The following ZFHX3 variants were observed in gnomAD, a reference collection of about 807,000 sequenced individuals.
The protein encoded by ZFHX3 is zinc finger homeobox protein 3.
ZFHX3 carries 42 observed loss-of-function variants against 279.1 expected under a neutral mutation model. That is an observed-to-expected ratio of 0.15 (90% CI 0.12 to 0.19). The LOEUF (loss-of-function observed/expected upper bound fraction) is 0.19. Among genes scored for constraint, ZFHX3 ranks in the 10% least tolerant of loss-of-function variants. ZFHX3 has a pLI of 1.00. For synonymous variants in ZFHX3, 2,293 were observed against 1,957.8 expected (o/e 1.17, Z -4.52); for missense variants, 4,981 against 4,754.0 (o/e 1.05, Z -1.40).
At chr16:73,294,226 G>C (rs1246990877) in intron 4 of ZFHX3, 2 of 152,136 alleles carry the variant, frequency 1.3e-5, no homozygotes, top group Non-Finnish European at 2.9e-5. Flanking sequence ...TCCTTGAGAG[G>C]AGGAGGTCCC....
At chr16:73,542,064 T>A (rs1345863341) in intron 2 of ZFHX3, among the ~76,000 whole-genome samples, 1 of 152,088 alleles carries the variant, frequency 6.6e-6, no homozygotes, top group Non-Finnish European at 1.5e-5. Context: ...CCTCCCAAAA[T>A]GCTTGGATTA....
intron 1 of ZFHX3, among the ~76,000 whole-genome samples, chr16:73,694,819 C>A (rs1013727150): frequency 6.6e-6 from 1 of 152,150 alleles, no homozygotes; most frequent in Non-Finnish European, 1.5e-5. Flanking sequence ...ATTATGGTAA[C>A]GAATGCTGGA....
chr16:73,427,482 C>A (rs987491787), intron 3 of ZFHX3, among the ~76,000 whole-genome samples: 6 of 152,128 alleles, frequency 3.9e-5, no homozygotes, highest in African/African-American at 1.4e-4. Context: ...TGCTCCCACC[C>A]AGATAGCCTC....
intron 1 of ZFHX3, among the ~76,000 whole-genome samples, chr16:73,860,087 C>G (rs577422631): frequency 8.1e-4 from 123 of 152,292 alleles, no homozygotes; most frequent in African/African-American, 2.7e-3. Context: ...CGGATGTGAA[C>G]AAAGACACAA....
Position 72,793,168 on chromosome 16 carries a change from C to G in ZFHX3, c.9427+87G>C. ...AGGTAAGCTTCCCATCTGCCCAGCA[C>G]TCAGAGGGTTTGGGTGGTATCCACA... On this transcript the variant is annotated intron_variant, in intron 9 of 9. Transcript: ENST00000268489. This position sits in a 1 kb window ranked among gnomAD's most constrained non-coding sequence, Gnocchi z 4.3. The G allele has an allele frequency of 6.6e-7, 1 of 1,518,056 alleles. No homozygotes were observed. The highest frequency in any genetic ancestry group is 1.3e-5 in the South Asian group (1 of 74,446). 94.0% of individuals were successfully genotyped at this position (1,518,056 alleles called of 1,614,324 possible).
chr16:72,921,889 G>A (rs2039596081), intron 3 of ZFHX3, among the ~76,000 whole-genome samples: 1 of 152,176 alleles, frequency 6.6e-6, no homozygotes, highest in Non-Finnish European at 1.5e-5. Context: ...AGGGAAAAAT[G>A]AAAATGGCCA....
chr16:73,267,523 T>C (rs1164404429), intron 4 of ZFHX3, among the ~76,000 whole-genome samples: 1 of 152,178 alleles, frequency 6.6e-6, no homozygotes, highest in Non-Finnish European at 1.5e-5. Context: ...TACCAAATCA[T>C]GGGGCATTTT....
chr16:73,202,903 CTTTCTTTTTTT>C (rs1183827823), intron 5 of ZFHX3, among the ~76,000 whole-genome samples: 1 of 93,498 alleles, frequency 1.1e-5, no homozygotes, highest in African/African-American at 5.9e-5. Flanking sequence ...ATCTTTCTTT[CTTTCTTTTTTT>C]TTTTTTTTTT....
chr16:73,079,950 T>TGTCTGA (rs1567658751), intron 8 of ZFHX3, among the ~76,000 whole-genome samples: 2 of 152,186 alleles, frequency 1.3e-5, no homozygotes, highest in Middle Eastern at 3.4e-3. Flanking sequence ...ACAGAGCAAG[T>TGTCTGA]TTAATTCCCT....
chr16:72,841,129 C>T (rs1482907080), intron 4 of ZFHX3, among the ~76,000 whole-genome samples: 1 of 152,186 alleles, frequency 6.6e-6, no homozygotes, highest in Non-Finnish European at 1.5e-5. Flanking sequence ...CACGAGTTCC[C>T]TGGTGCCAGC....
chr16:73,059,180 G>A (rs1182628216), exon 1 of ZFHX3: 1 of 149,224 alleles, frequency 6.7e-6, no homozygotes, highest in Admixed American at 6.8e-5. Flanking sequence ...AAAAAGAAAA[G>A]GGGGAGGTGG....
At chr16:73,582,314 T>C (rs1306184830) in intron 2 of ZFHX3, among the ~76,000 whole-genome samples, 1 of 151,772 alleles carries the variant, frequency 6.6e-6, no homozygotes, top group African/African-American at 2.4e-5. Flanking sequence ...TTGTCTTCCA[T>C]GGGGTTGTCT....
At chr16:73,323,233 G>A (rs977412279) in intron 3 of ZFHX3, among the ~76,000 whole-genome samples, 1 of 152,266 alleles carries the variant, frequency 6.6e-6, no homozygotes, top group Admixed American at 6.5e-5. Flanking sequence ...AGGCATCCTT[G>A]GTAGGGGAAA....
At chr16:73,547,082 A>G (rs577494441) in intron 2 of ZFHX3, among the ~76,000 whole-genome samples, 1 of 152,214 alleles carries the variant, frequency 6.6e-6, no homozygotes, top group Admixed American at 6.5e-5. Flanking sequence ...TAGAAAAACA[A>G]AAAGAAAAGA....
At chr16:72,904,390 A>C (rs1249625468) in intron 3 of ZFHX3, among the ~76,000 whole-genome samples, 1 of 144,608 alleles carries the variant, frequency 6.9e-6, no homozygotes, top group Non-Finnish European at 1.5e-5. Context: ...AAATAAATAA[A>C]TAAATAAATA....
At chr16:73,291,494 G>C (rs1328597191) in intron 4 of ZFHX3, among the ~76,000 whole-genome samples, 1 of 152,212 alleles carries the variant, frequency 6.6e-6, no homozygotes, top group African/African-American at 2.4e-5. Context: ...CATTCTGGCA[G>C]AAAGAGACAA....
chr16:73,317,216 G>A (rs571506473), intron 4 of ZFHX3, among the ~76,000 whole-genome samples: 1 of 141,046 alleles, frequency 7.1e-6, no homozygotes, highest in East Asian at 2.3e-4. Context: ...TGAGGTTCAG[G>A]AAGCTCCCAA....
chr16:73,029,896 C>T (rs547717743), intron 1 of ZFHX3, among the ~76,000 whole-genome samples: 2 of 152,264 alleles, frequency 1.3e-5, no homozygotes, highest in South Asian at 2.1e-4. Context: ...TGCAAAATGT[C>T]AACAAAACAA....
chr16:72,945,681 G>A (rs995950742), intron 3 of ZFHX3, among the ~76,000 whole-genome samples: 2 of 152,044 alleles, frequency 1.3e-5, no homozygotes, highest in Admixed American at 1.3e-4. Context: ...AAAAAAAATA[G>A]TCTAATAATG....
Sources: gnomAD v4.1 joint callset for allele counts (sites outside exome capture counted in the v4.1 genomes callset) on GRCh38, gnomAD v4.1.1 for gene constraint, Gnocchi (gnomAD v3.1) non-coding constraint, MANE v1.5 for transcripts, NCBI Gene and HGNC (gene_info 2026-07-23, HGNC 2026-07-21) for gene names.